RPS6KC1: variants seen among roughly 807,000 people sequenced by gnomAD.
The protein encoded by RPS6KC1 is ribosomal protein S6 kinase C1, also known as inactive ribosomal protein S6 kinase delta-1.
RPS6KC1 carries 54 observed loss-of-function variants against 103.8 expected under a neutral mutation model. That is an observed-to-expected ratio of 0.52 (90% CI 0.42 to 0.65). The LOEUF is 0.65. RPS6KC1 is among the 30% of genes least tolerant of loss of function. The pLI is 0.00. For missense variants in RPS6KC1, 1,151 were observed against 1,253.8 expected, an observed-to-expected ratio of 0.92 and a Z score of 1.24; for synonymous variants, 439 against 438.7, an observed-to-expected ratio of 1.00 and a Z score of -0.01.
intron 8 of RPS6KC1, among the ~76,000 whole-genome samples, chr1:213,177,733 A>T (rs193293411): frequency 6.6e-6 from 1 of 152,268 alleles, no homozygotes; most frequent in Non-Finnish European, 1.5e-5. Context: ...GTAATTGAGT[A>T]GTTTCTAGGT....
the RPS6KC1 span, among the ~76,000 whole-genome samples, chr1:213,469,512 A>G: frequency 2.0e-5 from 3 of 152,172 alleles, no homozygotes; most frequent in Admixed American, 6.5e-5. Context: ...CAGGGTACAC[A>G]TGGAAGGGAG....
chr1:213,815,426 G>A, the RPS6KC1 span, among the ~76,000 whole-genome samples: 1 of 152,196 alleles, frequency 6.6e-6, no homozygotes, highest in Admixed American at 6.5e-5. Context: ...TGCACCCCAA[G>A]TTGTAAAACA....
the RPS6KC1 span, among the ~76,000 whole-genome samples, chr1:213,632,706 C>T: frequency 8.1e-4 from 123 of 152,222 alleles, no homozygotes; most frequent in Middle Eastern, 3.4e-3. Flanking sequence ...TTTGATAAGT[C>T]GACAGAAGCA....
At chr1:213,771,143 G>GTTTGT in the RPS6KC1 span, among the ~76,000 whole-genome samples, 1 of 151,770 alleles carries the variant, frequency 6.6e-6, no homozygotes, top group Non-Finnish European at 1.5e-5. Context: ...TTGTTTGTTT[G>GTTTGT]TTTTTCCTCC....
At chr1:213,590,721 G>A in the RPS6KC1 span, among the ~76,000 whole-genome samples, 1 of 152,168 alleles carries the variant, frequency 6.6e-6, no homozygotes, top group African/African-American at 2.4e-5. Context: ...GCCATTTCCA[G>A]AGAGGACTAA....
chr1:213,503,137 C>T, the RPS6KC1 span, among the ~76,000 whole-genome samples: 2 of 150,696 alleles, frequency 1.3e-5, no homozygotes, highest in African/African-American at 4.9e-5. Context: ...GCTGTTCCAT[C>T]TCTTCTACTT....
the RPS6KC1 span, among the ~76,000 whole-genome samples, chr1:213,691,530 C>T: frequency 1.5e-4 from 23 of 152,032 alleles, no homozygotes; most frequent in Admixed American, 5.9e-4. Context: ...GCTGCTATCT[C>T]GGTAGCCAGT....
At chr1:213,235,129 T>C (rs1489207260) in intron 10 of RPS6KC1, among the ~76,000 whole-genome samples, 1 of 152,234 alleles carries the variant, frequency 6.6e-6, no homozygotes, top group Non-Finnish European at 1.5e-5. Context: ...ACAGTTGTTT[T>C]CTCCATAACA....
the RPS6KC1 span, among the ~76,000 whole-genome samples, chr1:213,654,996 G>C: frequency 6.6e-6 from 1 of 152,198 alleles, no homozygotes; most frequent in African/African-American, 2.4e-5. Context: ...CAGTCTTGGA[G>C]AGTAGTGTGA....
chr1:213,186,187 T>G (rs2092522124), intron 8 of RPS6KC1, among the ~76,000 whole-genome samples: 1 of 151,872 alleles, frequency 6.6e-6, no homozygotes, highest in Non-Finnish European at 1.5e-5. Flanking sequence ...TCACCAGTGT[T>G]TTTTCTTTTT....
the RPS6KC1 span, among the ~76,000 whole-genome samples, chr1:213,600,046 G>C: frequency 4.4e-4 from 67 of 152,272 alleles, no homozygotes; most frequent in African/African-American, 1.6e-3. Flanking sequence ...GATAGTGAGT[G>C]AGTTCTCATT....
At chr1:213,367,488 C>T in the RPS6KC1 span, among the ~76,000 whole-genome samples, 4,706 of 152,244 alleles carry the variant, frequency 0.031, 258 homozygotes, top group African/African-American at 0.11. Context: ...GTGATTGTGA[C>T]GTGAAATCAA....
chr1:213,279,599 G>T (rs530186877), downstream of RPS6KC1, among the ~76,000 whole-genome samples: 14 of 152,276 alleles, frequency 9.2e-5, no homozygotes, highest in South Asian at 1.5e-3. Context: ...TTTGGATAGT[G>T]TTCTGATCTT....
At chr1:213,619,056 GA>G in the RPS6KC1 span, among the ~76,000 whole-genome samples, 4 of 152,196 alleles carry the variant, frequency 2.6e-5, no homozygotes, top group Non-Finnish European at 4.4e-5. Context: ...CTTGAGTAAA[GA>G]TGGCTTAAAC....
At chr1:213,684,153 C>T in the RPS6KC1 span, among the ~76,000 whole-genome samples, 1 of 152,176 alleles carries the variant, frequency 6.6e-6, no homozygotes, top group Non-Finnish European at 1.5e-5. Flanking sequence ...ATGCTAGTCC[C>T]TTGCCTCAAA....
At chr1:213,665,287 AAG>A in the RPS6KC1 span, among the ~76,000 whole-genome samples, 2 of 152,164 alleles carry the variant, frequency 1.3e-5, no homozygotes, top group African/African-American at 2.4e-5. Context: ...AATGTAGACA[AAG>A]AGGTTAAGAT....
intron 8 of RPS6KC1, among the ~76,000 whole-genome samples, chr1:213,220,229 C>G (rs546472866): frequency 1.3e-5 from 2 of 151,962 alleles, no homozygotes; most frequent in South Asian, 4.2e-4. Flanking sequence ...TAATAATGCC[C>G]TATCTTTAAA....
chr1:213,694,945 C>T, the RPS6KC1 span, among the ~76,000 whole-genome samples: 1 of 152,066 alleles, frequency 6.6e-6, no homozygotes, highest in East Asian at 1.9e-4. Flanking sequence ...ACAGTGGTGC[C>T]CAGTGTGAGA....
intron 6 of RPS6KC1, among the ~76,000 whole-genome samples, chr1:213,152,828 C>CA (rs1376817711): frequency 6.6e-6 from 1 of 151,952 alleles, no homozygotes; most frequent in African/African-American, 2.4e-5. Flanking sequence ...CCTCACTTCC[C>CA]AGACGGGGTG....
Sources: gnomAD v4.1 joint callset for allele counts (sites outside exome capture counted in the v4.1 genomes callset) on GRCh38, gnomAD v4.1.1 for gene constraint, MANE v1.5 for transcripts, NCBI Gene and HGNC (gene_info 2026-07-23, HGNC 2026-07-21) for gene names.